ADGRB3: variants seen among roughly 807,000 people sequenced by gnomAD.
ADGRB3 encodes brain-specific angiogenesis inhibitor 3.
Under a neutral mutation model 193.4 loss-of-function variants are expected in ADGRB3, and 37 were observed. That is an observed-to-expected ratio of 0.19 (90% CI 0.15 to 0.25). ADGRB3 has a LOEUF of 0.25. Among genes scored for constraint, ADGRB3 ranks in the 10% least tolerant of loss-of-function variants. The pLI is 1.00. For synonymous variants in ADGRB3, 690 were observed against 644.2 expected, an observed-to-expected ratio of 1.07 and a Z score of -1.08; for missense variants, 1,637 against 1,852.9, an observed-to-expected ratio of 0.88 and a Z score of 2.14.
intron 3 of ADGRB3, among the ~76,000 whole-genome samples, chr6:68,812,910 T>TGA (rs1309470029): frequency 6.6e-6 from 1 of 150,714 alleles, no homozygotes; most frequent in Non-Finnish European, 1.5e-5. Flanking sequence ...CAGTTATGAG[T>TGA]GAGAACATGT....
chr6:69,137,155 G>T (rs1223985034), intron 17 of ADGRB3, among the ~76,000 whole-genome samples: 1 of 135,262 alleles, frequency 7.4e-6, no homozygotes, highest in Non-Finnish European at 1.5e-5. Flanking sequence ...CCTGCATTTT[G>T]TGAGTTTCAA....
intron 3 of ADGRB3, among the ~76,000 whole-genome samples, chr6:68,850,329 C>G (rs1768372210): frequency 6.6e-6 from 1 of 151,838 alleles, no homozygotes; most frequent in African/African-American, 2.4e-5. Flanking sequence ...TTTGATAGCA[C>G]CTATAGCCTT....
In ADGRB3 at chr6:68,793,037, C is replaced by CT. The variant is rs113060961; in HGVS notation, c.758-137513dup. Among the ~76,000 whole-genome samples the CT allele has an allele frequency of 8.9e-3, 1,353 of 151,356 alleles. 21 individuals carry two copies. Among genetic ancestry groups the CT allele is most frequent in the African/African-American group, 0.031 (1,271 of 41,244 alleles). ...CAAGCATTCAGAATTATTTCTGGTA[C>CT]TTTTTTTTTCATTTTCTTTATGTCA... On this transcript the variant is annotated intron_variant, in intron 3 of 31. Transcript: ENST00000370598.
At chr6:68,704,584 G>T (rs2127311415) in intron 3 of ADGRB3, among the ~76,000 whole-genome samples, 1 of 152,166 alleles carries the variant, frequency 6.6e-6, no homozygotes, top group East Asian at 1.9e-4. Context: ...TACTTAAGAG[G>T]AGCCTACATA....
At position 68,917,581 on chromosome 6, in the gene ADGRB3, A is replaced by G. The variant is rs556329812; in HGVS notation, c.758-12978A>G. On this transcript the variant is annotated intron_variant, in intron 3 of 31. Transcript: ENST00000370598. ...ATGTAGCTTAGGGTACTAATAACTC[A>G]ATATTGAAGTTTGATTGTTTGGATT... 6.6e-5 allele frequency among the ~76,000 whole-genome samples: 10 copies of G among 152,260 alleles called. 1 individual carries two copies. Among genetic ancestry groups the G allele is most frequent in the South Asian group, 6.2e-4 (3 of 4,822 alleles).
intron 20 of ADGRB3, among the ~76,000 whole-genome samples, chr6:69,298,247 T>G (rs1767871819): frequency 6.6e-6 from 1 of 151,996 alleles, no homozygotes; most frequent in South Asian, 2.1e-4. Context: ...GGGAGGTTGG[T>G]CAGTGTGATA....
intron 21 of ADGRB3, among the ~76,000 whole-genome samples, chr6:69,326,010 C>G (rs1490360749): frequency 6.6e-6 from 1 of 152,014 alleles, no homozygotes; most frequent in African/African-American, 2.4e-5. Flanking sequence ...ACTACCTGAG[C>G]GCGGGTGGAC....
chr6:68,831,277 A>T (rs1767946705), intron 3 of ADGRB3, among the ~76,000 whole-genome samples: 2 of 148,164 alleles, frequency 1.3e-5, no homozygotes, highest in Non-Finnish European at 3.0e-5. Flanking sequence ...CGGCGGGAAA[A>T]TGGTGAATGC....
intron 17 of ADGRB3, among the ~76,000 whole-genome samples, chr6:69,122,611 G>T (rs992171008): frequency 1.1e-4 from 17 of 151,806 alleles, no homozygotes; most frequent in African/African-American, 4.1e-4. Context: ...TTTTATAGAA[G>T]TCTGCAGATA....
chr6:69,208,056 T>C (rs1472518773), intron 17 of ADGRB3, among the ~76,000 whole-genome samples: 1 of 152,186 alleles, frequency 6.6e-6, no homozygotes, highest in Non-Finnish European at 1.5e-5. Context: ...AATTGGGCAC[T>C]CAGCAGTGGT....
At chr6:69,141,208 C>T (rs1712933793) in intron 17 of ADGRB3, among the ~76,000 whole-genome samples, 1 of 151,566 alleles carries the variant, frequency 6.6e-6, no homozygotes. Context: ...ACTGCAAGCT[C>T]CGCCTCCTGG....
At chr6:68,826,727 A>G (rs73745891) in intron 3 of ADGRB3, among the ~76,000 whole-genome samples, 1 of 152,194 alleles carries the variant, frequency 6.6e-6, no homozygotes, top group African/African-American at 2.4e-5. Flanking sequence ...TGGAAGTGAC[A>G]GGAAGTGGTC....
chr6:69,304,472 C>G (rs1382316583), intron 20 of ADGRB3, among the ~76,000 whole-genome samples: 1 of 151,564 alleles, frequency 6.6e-6, no homozygotes, highest in African/African-American at 2.4e-5. Flanking sequence ...AAATTAGAAT[C>G]CTAATTAAAA....
chr6:69,076,499 T>A (rs1385527647), intron 17 of ADGRB3, among the ~76,000 whole-genome samples: 1 of 152,088 alleles, frequency 6.6e-6, no homozygotes, highest in Non-Finnish European at 1.5e-5. Flanking sequence ...GATAAAAACA[T>A]TGAGTGACAT....
At chr6:69,092,996 G>A (rs1772759852) in intron 17 of ADGRB3, among the ~76,000 whole-genome samples, 1 of 151,380 alleles carries the variant, frequency 6.6e-6, no homozygotes, top group African/African-American at 2.4e-5. Flanking sequence ...AGAGGGAGTA[G>A]GAAGCCGACA....
chr6:69,100,588 A>G (rs1449603777), intron 17 of ADGRB3, among the ~76,000 whole-genome samples: 2 of 152,076 alleles, frequency 1.3e-5, no homozygotes, highest in African/African-American at 4.8e-5. Context: ...CAATGGGAAT[A>G]CAAGAAGACC....
chr6:68,908,397 C>G (rs1221031800), intron 3 of ADGRB3, among the ~76,000 whole-genome samples: 3 of 152,030 alleles, frequency 2.0e-5, no homozygotes, highest in Non-Finnish European at 4.4e-5. Flanking sequence ...TCAGCTAGAC[C>G]TCTCTGGTGA....
intron 3 of ADGRB3, among the ~76,000 whole-genome samples, chr6:68,705,501 A>G (rs1019717082): frequency 5.9e-5 from 9 of 152,324 alleles, no homozygotes; most frequent in African/African-American, 2.2e-4. Context: ...TTGAAGAATC[A>G]TGATGGAATC....
At chr6:69,097,086 T>C (rs1482325) in intron 17 of ADGRB3, among the ~76,000 whole-genome samples, 26,526 of 152,236 alleles carry the variant, frequency 0.17, 4,227 homozygotes, top group East Asian at 0.81. Flanking sequence ...AAGCTGTAGC[T>C]GGTAATGAGA....
Sources: gnomAD v4.1 joint callset for allele counts (sites outside exome capture counted in the v4.1 genomes callset) on GRCh38, gnomAD v4.1.1 for gene constraint, MANE v1.5 for transcripts, NCBI Gene and HGNC (gene_info 2026-07-23, HGNC 2026-07-21) for gene names.